Variants in DNAH5 observed in about 807,000 individuals in gnomAD.
DNAH5 encodes the protein dynein axonemal heavy chain 5.
In DNAH5, 372 loss-of-function variants were observed where a neutral mutation model predicts 518.2. The ratio of observed to expected loss-of-function variants is 0.72; its 90% CI spans 0.66 to 0.78. DNAH5 has a LOEUF of 0.78. Ranked by LOEUF, DNAH5 falls within the 30% of genes least tolerant of loss-of-function variation. The pLI is 0.00. For synonymous variants in DNAH5, 2,039 were observed against 2,025.9 expected (o/e 1.01, Z -0.17); for missense variants, 5,523 against 5,687.0 (o/e 0.97, Z 0.93).
rs141571121 is a variant in DNAH5 at position 13,776,609 on chromosome 5, T to C, written c.9203A>G (p.Glu3068Gly). ...KEFPRCLPTN[E>G]NLHDYFMSRV... is the part of the protein sequence containing the mutation. ...ACTCATGAAGTAGTCGTGCAGGTTC[T>C]CATTGGTAGGAAGGCACCTGGGGAA... The change falls in exon 55 of 79, where the codon GAG (glutamate) becomes GGG (glycine). Residue 3068 changes from glutamate (E) to glycine (G), a missense_variant. By Grantham distance (98) the Glu-to-Gly change is moderately conservative. This residue lies in a region of DNAH5 where 5,121 missense variants were observed against 5,223.3 expected (regional missense o/e 0.98). Transcript: ENST00000265104. 1.2e-4 allele frequency: 194 copies of C among 1,613,988 alleles called. 1 individual carries two copies. In the African/African-American group the frequency reaches 2.3e-3, roughly 19 times the overall value.
At chr5:13,698,163 G>C (rs530805429) in intron 78 of DNAH5, among the ~76,000 whole-genome samples, 1 of 152,284 alleles carries the variant, frequency 6.6e-6, no homozygotes, top group African/African-American at 2.4e-5. Context: ...CTCACCAGAT[G>C]GTGGCATCAT....
chr5:13,718,444 T>C (rs1282887992), intron 72 of DNAH5, among the ~76,000 whole-genome samples: 2 of 152,196 alleles, frequency 1.3e-5, no homozygotes, highest in Non-Finnish European at 2.9e-5. Flanking sequence ...ATGGGGGCAT[T>C]TGGGCCTGAG....
intron 35 of DNAH5, among the ~76,000 whole-genome samples, chr5:13,834,631 G>A (rs926976530): frequency 2.0e-5 from 3 of 152,190 alleles, no homozygotes; most frequent in Non-Finnish European, 4.4e-5. Context: ...ACCCTCTGAG[G>A]TGACTCTCTA....
chr5:13,976,036 A>T (rs551917093), intron 1 of DNAH5, among the ~76,000 whole-genome samples: 9 of 152,194 alleles, frequency 5.9e-5, no homozygotes, highest in Non-Finnish European at 1.2e-4. Flanking sequence ...ATCTAAAAAA[A>T]TTTTTTTAAA....
chr5:13,955,717 GA>G (rs567499271), intron 1 of DNAH5, among the ~76,000 whole-genome samples: 13 of 151,346 alleles, frequency 8.6e-5, no homozygotes, highest in African/African-American at 3.1e-4. Context: ...TTCTCTTTAA[GA>G]AAAAAAAGAA....
At chr5:13,978,109 G>C (rs756082860) in intron 1 of DNAH5, among the ~76,000 whole-genome samples, 4 of 152,192 alleles carry the variant, frequency 2.6e-5, no homozygotes, top group Non-Finnish European at 4.4e-5. Context: ...GCACTTTCAT[G>C]CACAGACACA....
At chr5:13,811,850 A>G (rs1325351099) in intron 43 of DNAH5, 27 bp from the exon 44 acceptor site, 1 of 1,612,618 alleles carries the variant, frequency 6.2e-7, no homozygotes, top group Non-Finnish European at 8.5e-7. Context: ...AAGTGTATTC[A>G]TGAAACTTAT....
Position 13,811,816 on chromosome 5 carries a change from A to T in DNAH5, c.7238T>A (p.Leu2413His), listed in dbSNP as rs1386447338. 6.2e-7 allele frequency: 1 copy of T among 1,614,142 alleles called. No individual in the cohort carries two copies. Among genetic ancestry groups the T allele is most frequent in the Non-Finnish European group, 8.5e-7 (1 of 1,180,012 alleles). Residue 2413 changes from leucine (L) to histidine (H), a missense_variant, in exon 44 of 79, where the codon CTT becomes CAT. Leu to His is a moderately conservative substitution (Grantham distance 99). Transcript: ENST00000265104. ...LDWSPILEGF[L>H]KKRSPQEAEI... ...TGCTTCTTGAGGTGAGCGTTTCTTA[A>T]GAAAACCCTGTCAGTTCACAGACAA...
At chr5:13,981,018 A>C (rs940836699) in intron 1 of DNAH5, among the ~76,000 whole-genome samples, 3 of 152,094 alleles carry the variant, frequency 2.0e-5, no homozygotes, top group African/African-American at 7.2e-5. Context: ...TCTGATCCCC[A>C]CTATATAAAG....
chr5:13,961,487 T>A (rs1781175544), intron 1 of DNAH5, among the ~76,000 whole-genome samples: 1 of 151,762 alleles, frequency 6.6e-6, no homozygotes, highest in South Asian at 2.1e-4. Flanking sequence ...CTATTAAAAA[T>A]ACAAAAATCA....
intron 28 of DNAH5, among the ~76,000 whole-genome samples, chr5:13,863,239 T>C (rs1444872719): frequency 6.6e-6 from 1 of 152,122 alleles, no homozygotes; most frequent in East Asian, 1.9e-4. Context: ...TTTACCCTCA[T>C]TTCTTCCCAC....
chr5:13,923,058 A>G (rs963126081), intron 4 of DNAH5, among the ~76,000 whole-genome samples: 1 of 152,240 alleles, frequency 6.6e-6, no homozygotes, highest in Non-Finnish European at 1.5e-5. Context: ...CCAGAAGGTT[A>G]TATCAATTTG....
At chr5:13,831,090 A>T (rs1763619176) in intron 35 of DNAH5, among the ~76,000 whole-genome samples, 1 of 152,182 alleles carries the variant, frequency 6.6e-6, no homozygotes, top group Admixed American at 6.5e-5. Flanking sequence ...AAAATAATAC[A>T]TTGCATTTCC....
At chr5:13,974,759 T>TG (rs1782115609) in intron 1 of DNAH5, among the ~76,000 whole-genome samples, 1 of 152,152 alleles carries the variant, frequency 6.6e-6, no homozygotes, top group Non-Finnish European at 1.5e-5. Flanking sequence ...CAGCCACAGC[T>TG]TCACAGGCCT....
chr5:13,861,904 G>A (rs1289277840), intron 29 of DNAH5, among the ~76,000 whole-genome samples: 3 of 121,316 alleles, frequency 2.5e-5, no homozygotes, highest in African/African-American at 9.3e-5. Flanking sequence ...AGTGAGCTGA[G>A]ATCACGCCAT....
At chr5:13,760,085 C>T (rs1276968215) in intron 60 of DNAH5, among the ~76,000 whole-genome samples, 2 of 152,110 alleles carry the variant, frequency 1.3e-5, no homozygotes, top group Non-Finnish European at 2.9e-5. Flanking sequence ...TGCAACTGTT[C>T]CCATGGCTCA....
chr5:13,752,940 C>G (rs554629141), intron 63 of DNAH5, among the ~76,000 whole-genome samples: 1 of 152,330 alleles, frequency 6.6e-6, no homozygotes, highest in Non-Finnish European at 1.5e-5. Context: ...AAGTGCTGCA[C>G]ACTTTGTGTG....
chr5:13,956,336 T>A (rs1457274276), intron 1 of DNAH5, among the ~76,000 whole-genome samples: 9 of 152,184 alleles, frequency 5.9e-5, no homozygotes, highest in African/African-American at 2.2e-4. Context: ...ATATAACAGG[T>A]GCTCATTAAA....
rs13162313 is a variant in DNAH5, at chr5:13,701,545, T to C, written c.13339-109A>G. On this transcript the variant is annotated intron_variant, in intron 76 of 78. Transcript: ENST00000265104. ...AGATGAAATATCAATTTCACTTTTA[T>C]AATGAAAAAAGTCCCTAAGTCATGA... is the stretch of plus-strand genomic sequence containing the variant. The C allele has an allele frequency of 0.49, 549,745 of 1,131,480 alleles. 138,104 individuals are homozygous for C. The highest frequency in any genetic ancestry group is 0.52 in the Non-Finnish European group (399,021 of 772,734). The allele number at this position is 1,131,480 out of a possible 1,614,324, so 70.1% of individuals were successfully genotyped here. A position where few individuals can be genotyped will look rare whatever the true frequency, so the allele number is the denominator to read the frequency against.
Sources: gnomAD v4.1 joint callset for allele counts (sites outside exome capture counted in the v4.1 genomes callset) on GRCh38, gnomAD v4.1.1 for gene constraint, gnomAD v4.1.1 regional missense constraint, MANE v1.5 for transcripts, NCBI Gene and HGNC (gene_info 2026-07-23, HGNC 2026-07-21) for gene names.